Variants in ROBO2 observed in about 807,000 individuals in gnomAD.
The protein encoded by ROBO2 is roundabout homolog 2.
In ROBO2, 53 loss-of-function variants were observed where a neutral mutation model predicts 160.8. The observed-to-expected ratio is 0.33, with a 90% confidence interval of 0.26 to 0.41. ROBO2 has a LOEUF of 0.41. Ranked by LOEUF, ROBO2 falls within the 10% of genes least tolerant of loss-of-function variation. The pLI, the probability that ROBO2 is intolerant of heterozygous loss-of-function variation, is 1.00. For synonymous variants in ROBO2, 664 were observed against 611.7 expected (o/e 1.09, Z -1.26); for missense variants, 1,577 against 1,722.4 (o/e 0.92, Z 1.49).
chr3:75,959,928 A>G (rs772330066), intron 2 of ROBO2, among the ~76,000 whole-genome samples: 28 of 151,848 alleles, frequency 1.8e-4, no homozygotes, highest in Non-Finnish European at 3.2e-4. Flanking sequence ...ATATTTATAA[A>G]TGATACAGGA....
intron 2 of ROBO2, among the ~76,000 whole-genome samples, chr3:76,875,233 C>T (rs1430623514): frequency 6.6e-6 from 1 of 152,166 alleles, no homozygotes; most frequent in African/African-American, 2.4e-5. Flanking sequence ...GCAACACTCA[C>T]CAGAAAACCA....
chr3:76,422,977 T>C (rs2076055846), intron 2 of ROBO2, among the ~76,000 whole-genome samples: 1 of 152,126 alleles, frequency 6.6e-6, no homozygotes, highest in African/African-American at 2.4e-5. Flanking sequence ...CTCGGTAGGA[T>C]ACCTAAAGAT....
intron 2 of ROBO2, among the ~76,000 whole-genome samples, chr3:77,373,900 G>C (rs1299228137): frequency 6.7e-6 from 1 of 149,956 alleles, no homozygotes; most frequent in Non-Finnish European, 1.5e-5. Context: ...GGCGGGGCGC[G>C]ATGGCTCGTG....
intron 2 of ROBO2, among the ~76,000 whole-genome samples, chr3:76,259,805 A>C (rs1160637105): frequency 1.3e-5 from 2 of 152,086 alleles, no homozygotes; most frequent in Admixed American, 1.3e-4. Context: ...CTTGGTCAAC[A>C]AGAAAGACCC....
At chr3:75,911,552 C>CTTTTTTTTTTTT (rs56787695) in intron 1 of ROBO2, among the ~76,000 whole-genome samples, 23 of 83,556 alleles carry the variant, frequency 2.8e-4, no homozygotes, top group Non-Finnish European at 3.3e-4. Flanking sequence ...AGCCTTGTTT[C>CTTTTTTTTTTTT]TTTTTTTTTT....
chr3:76,429,726 A>C (rs929760766), intron 2 of ROBO2, among the ~76,000 whole-genome samples: 1 of 152,182 alleles, frequency 6.6e-6, no homozygotes, highest in Non-Finnish European at 1.5e-5. Flanking sequence ...AGAAACTGCA[A>C]CTTCAACATT....
At chr3:76,480,701 C>A (rs1430672948) in intron 2 of ROBO2, among the ~76,000 whole-genome samples, 1 of 152,086 alleles carries the variant, frequency 6.6e-6, no homozygotes, top group Non-Finnish European at 1.5e-5. Context: ...TAAAGGCATG[C>A]ATCCCAATAT....
intron 2 of ROBO2, among the ~76,000 whole-genome samples, chr3:75,981,905 C>T (rs1037615587): frequency 1.3e-5 from 2 of 151,326 alleles, no homozygotes; most frequent in African/African-American, 2.4e-5. Flanking sequence ...CCACCCTCTG[C>T]CCCCTCCCAA....
intron 2 of ROBO2, among the ~76,000 whole-genome samples, chr3:76,837,865 TTTG>T (rs2067852978): frequency 6.6e-6 from 1 of 152,028 alleles, no homozygotes; most frequent in Non-Finnish European, 1.5e-5. Flanking sequence ...TCTAATGGCA[TTTG>T]TTTTCATCTA....
intron 2 of ROBO2, among the ~76,000 whole-genome samples, chr3:77,425,954 C>T (rs72899175): frequency 0.14 from 21,037 of 151,934 alleles, 1,774 homozygotes; most frequent in African/African-American, 0.23. Flanking sequence ...TGAGCCACAG[C>T]GCCCAGCCCC....
intron 2 of ROBO2, among the ~76,000 whole-genome samples, chr3:77,156,199 C>A (rs1239654343): frequency 6.6e-6 from 1 of 151,942 alleles, no homozygotes; most frequent in Non-Finnish European, 1.5e-5. Context: ...ATCCAAGGCA[C>A]CTTCAGTATT....
chr3:77,049,320 C>T (rs1411755185), intron 1 of ROBO2, among the ~76,000 whole-genome samples: 8 of 152,004 alleles, frequency 5.3e-5, no homozygotes, highest in Non-Finnish European at 8.8e-5. Context: ...ACAGAGGCCC[C>T]GTCTCCACAC....
intron 9 of ROBO2, among the ~76,000 whole-genome samples, chr3:77,560,920 G>A (rs1037948150): frequency 3.3e-5 from 5 of 151,918 alleles, no homozygotes; most frequent in South Asian, 2.1e-4. Context: ...ATCCAACCTC[G>A]GCTCATTATA....
chr3:75,921,031 T>A (rs1335506523), intron 1 of ROBO2, among the ~76,000 whole-genome samples: 1 of 152,162 alleles, frequency 6.6e-6, no homozygotes, highest in Admixed American at 6.5e-5. Context: ...CCCATGTATA[T>A]TTATGGTTAA....
At chr3:76,370,021 A>G (rs926313973) in intron 2 of ROBO2, among the ~76,000 whole-genome samples, 1 of 151,980 alleles carries the variant, frequency 6.6e-6, no homozygotes, top group Non-Finnish European at 1.5e-5. Flanking sequence ...AAATTATACA[A>G]TTAGTTTAGT....
intron 2 of ROBO2, among the ~76,000 whole-genome samples, chr3:77,360,834 T>A (rs533348162): frequency 6.6e-6 from 1 of 152,218 alleles, no homozygotes; most frequent in African/African-American, 2.4e-5. Context: ...ACATTCTATA[T>A]TTTGGGAAGC....
intron 2 of ROBO2, among the ~76,000 whole-genome samples, chr3:76,209,970 G>GA (rs1327176618): frequency 6.6e-6 from 1 of 151,892 alleles, no homozygotes; most frequent in Non-Finnish European, 1.5e-5. Flanking sequence ...TATAGTAAAA[G>GA]AAAAAAACAT....
intron 5 of ROBO2, among the ~76,000 whole-genome samples, chr3:77,494,306 A>G (rs80105023): frequency 0.14 from 21,332 of 151,902 alleles, 1,594 homozygotes; most frequent in East Asian, 0.21. Context: ...GCTGGGCACG[A>G]TGGCTGACTC....
intron 2 of ROBO2, among the ~76,000 whole-genome samples, chr3:76,521,237 TG>T (rs2107886642): frequency 6.6e-6 from 1 of 152,074 alleles, no homozygotes; most frequent in Non-Finnish European, 1.5e-5. Flanking sequence ...TTAGTACAGA[TG>T]GGGATTTGCC....
Sources: gnomAD v4.1 joint callset for allele counts (sites outside exome capture counted in the v4.1 genomes callset) on GRCh38, gnomAD v4.1.1 for gene constraint, MANE v1.5 for transcripts, NCBI Gene and HGNC (gene_info 2026-07-23, HGNC 2026-07-21) for gene names.